Variants in TEAD2 observed in about 807,000 individuals in gnomAD.
TEAD2 encodes TEA domain transcription factor 2.
Under a neutral mutation model 61.4 loss-of-function variants are expected in TEAD2, and 51 were observed. The observed-to-expected ratio is 0.83, with a 90% CI of 0.66 to 1.05. The LOEUF is 1.05. TEAD2 is among the 50% of genes least tolerant of loss of function. The pLI is 0.00. For missense variants in TEAD2, 509 were observed against 600.0 expected (o/e 0.85, Z 1.58); for synonymous variants, 244 against 243.2 (o/e 1.00, Z -0.03).
At chr19:49,351,586 C>CA (rs776571515) in intron 7 of TEAD2, among the ~76,000 whole-genome samples, 2 of 152,170 alleles carry the variant, frequency 1.3e-5, no homozygotes, top group Non-Finnish European at 2.9e-5. Context: ...CAAAGTCACA[C>CA]AGTTGAGATG....
intron 4 of TEAD2, 140 bp downstream of exon 4, chr19:49,357,112 C>A (rs1273237527): frequency 3.5e-6 from 2 of 569,184 alleles, no homozygotes; most frequent in East Asian, 5.7e-5. Flanking sequence ...GGGTCTCTGT[C>A]CCTTTCTCTC....
chr19:49,353,850 G>A (rs1972181818), intron 7 of TEAD2, among the ~76,000 whole-genome samples: 1 of 150,582 alleles, frequency 6.6e-6, no homozygotes, highest in South Asian at 2.1e-4. Context: ...GCACAATCTT[G>A]GCTCAATGCA....
intron 9 of TEAD2, 106 bp from the exon 10 acceptor site, chr19:49,347,469 C>A: frequency 7.6e-7 from 1 of 1,322,892 alleles, no homozygotes; most frequent in South Asian, 1.3e-5. Context: ...CTCTGGCCAG[C>A]TGTTCCACAC....
intron 4 of TEAD2, 44 bp from the exon 5 acceptor site, chr19:49,356,014 C>T: frequency 8.0e-7 from 1 of 1,250,014 alleles, no homozygotes; most frequent in Admixed American, 3.8e-5. Context: ...GGAAAGAAAA[C>T]ATGACTTAGG....
intron 12 of TEAD2, among the ~76,000 whole-genome samples, 164 bp downstream of exon 12, chr19:49,342,274 C>T (rs974300833): frequency 2.0e-5 from 3 of 151,904 alleles, no homozygotes; most frequent in South Asian, 2.1e-4. Context: ...GTGGGGTCCC[C>T]GCTGCATCAG....
intron 7 of TEAD2, among the ~76,000 whole-genome samples, chr19:49,353,775 C>G (rs1972175368): frequency 6.6e-6 from 1 of 150,918 alleles, no homozygotes; most frequent in Non-Finnish European, 1.5e-5. Context: ...CACAGCCTGT[C>G]ACTGCACTCT....
In TEAD2 at chr19:49,347,256, T is replaced by C; in HGVS notation, c.855A>G (p.Lys285=). The C allele has an allele frequency of 1.2e-6, 2 of 1,614,142 alleles. No individual in the cohort carries two copies. Among genetic ancestry groups the C allele is most frequent in the Non-Finnish European group, 8.5e-7 (1 of 1,180,008 alleles). ...VRQIYDKFPE[K]KGGLRELYDR... ...CATATAGCTCTCGGAGGCCACCCTT[T>C]TTCTCAGGGAATTTGTCGTAGATCT... is the stretch of plus-strand genomic sequence containing the variant. Residue 285 remains lysine, a synonymous_variant, in exon 10 of 13, where the codon AAA becomes AAG. Transcript: ENST00000593945.
intron 10 of TEAD2, 133 bp from the exon 11 acceptor site, chr19:49,343,531 G>A: frequency 2.0e-6 from 2 of 994,120 alleles, no homozygotes; most frequent in Non-Finnish European, 2.8e-6. Context: ...CCTGAGGTTG[G>A]GAGTTCAAGA....
intron 4 of TEAD2, chr19:49,356,204 C>T (rs1972381969): frequency 5.2e-6 from 2 of 381,860 alleles, no homozygotes; most frequent in African/African-American, 4.2e-5. Context: ...CAAGGAAACC[C>T]AGAAGGTTCC....
At chr19:49,349,087 G>C in intron 8 of TEAD2, 1 of 404,538 alleles carries the variant, frequency 2.5e-6, no homozygotes. Flanking sequence ...AACTTTGGGA[G>C]GAGAAAGCTT....
At chr19:49,360,333 G>C in intron 1 of TEAD2, 1 of 517,504 alleles carries the variant, frequency 1.9e-6, no homozygotes, top group African/African-American at 1.9e-5. Context: ...GGAGGATCTG[G>C]GGCCTGGACT....
Position 49,359,700 on chromosome 19 carries a change from G to T in TEAD2, c.232+144C>A. 2 of 1,058,356 alleles carry T rather than the reference G, an allele frequency of 1.9e-6. No individual in the cohort carries two copies. The highest frequency in any genetic ancestry group is 2.8e-6 in the Non-Finnish European group (2 of 714,934). The allele number at this position is 1,058,356 out of a possible 1,614,324, so 65.6% of individuals were successfully genotyped here. A position where few individuals can be genotyped will look rare whatever the true frequency, so the allele number is the denominator to read the frequency against. On this transcript the variant is annotated intron_variant, in intron 2 of 12. Transcript: ENST00000593945. This position sits in a 1 kb window ranked among gnomAD's most constrained non-coding sequence, Gnocchi z 4.1. ...ACGCACTGGCTCTGTGCGACCATAA[G>T]CAAATCACTTAACCTAGCTGTGCCT...
Position 49,341,898 on chromosome 19 carries a change from G to A in TEAD2, c.1243-461C>T, listed in dbSNP as rs962621638. On this transcript the variant is annotated intron_variant, in intron 12 of 12. Coordinates refer to ENST00000593945, the MANE Select transcript of TEAD2 (RefSeq NM_001256660.2). This position sits in a 1 kb window ranked among gnomAD's most constrained non-coding sequence, Gnocchi z 4.2. ...AGGGAAGGAGGGACCCACCTTATGT[G>A]CGAGTGCTGTGGGGCTGGGCGTGGT... Among the ~76,000 whole-genome samples, 24 of 152,118 alleles carry A rather than the reference G, an allele frequency of 1.6e-4. No individual in the cohort carries two copies. Among genetic ancestry groups the A allele is most frequent in the African/African-American group, 4.6e-4 (19 of 41,424 alleles).
At chr19:49,343,542 C>T in intron 10 of TEAD2, 144 bp from the exon 11 acceptor site, 1 of 813,426 alleles carries the variant, frequency 1.2e-6, no homozygotes, top group South Asian at 2.1e-5. Flanking sequence ...GAGTTCAAGA[C>T]CAGCCTGACC....
chr19:49,342,372 G>A, intron 12 of TEAD2, 66 bp downstream of exon 12: 2 of 1,569,210 alleles, frequency 1.3e-6, no homozygotes, highest in Non-Finnish European at 1.7e-6. Flanking sequence ...CCTAGACTGA[G>A]GGTCTGTTAT....
At chr19:49,360,365 G>A (rs1972760109) in intron 1 of TEAD2, 5 of 460,206 alleles carry the variant, frequency 1.1e-5, no homozygotes, top group Non-Finnish European at 1.9e-5. Context: ...GGGAGCGGGG[G>A]CTGGAGGCCT....
intron 8 of TEAD2, 47 bp downstream of exon 8, chr19:49,351,254 C>G (rs368041315): frequency 3.2e-6 from 5 of 1,559,214 alleles, no homozygotes; most frequent in African/African-American, 1.4e-5. Context: ...CAGTAGGGGT[C>G]GAAGAGAGAG....
At chr19:49,354,154 G>C (rs1322099522) in intron 7 of TEAD2, among the ~76,000 whole-genome samples, 1 of 151,078 alleles carries the variant, frequency 6.6e-6, no homozygotes, top group East Asian at 2.0e-4. Context: ...CCGTCCTGCA[G>C]CCACACTACC....
chr19:49,350,217 C>T (rs1415920450), intron 8 of TEAD2, among the ~76,000 whole-genome samples: 2 of 152,144 alleles, frequency 1.3e-5, no homozygotes, highest in Admixed American at 1.3e-4. Flanking sequence ...TGACTGATGC[C>T]ATCACTTGAG....
Sources: allele counts gnomAD v4.1 joint callset (sites outside exome capture counted in the v4.1 genomes callset), GRCh38; gene constraint gnomAD v4.1.1; non-coding constraint Gnocchi (gnomAD v3.1); transcripts MANE v1.5; gene names NCBI Gene and HGNC (gene_info 2026-07-23, HGNC 2026-07-21).